The following DOCK9 variants were observed in gnomAD, a reference collection of about 807,000 sequenced individuals.
DOCK9 encodes dedicator of cytokinesis protein 9.
DOCK9 carries 89 observed loss-of-function variants against 263.3 expected under a neutral mutation model. The observed-to-expected ratio is 0.34, with a 90% CI of 0.28 to 0.40. DOCK9 has a LOEUF of 0.40. DOCK9 is among the 10% of genes least tolerant of loss of function. DOCK9 has a pLI of 1.00. For synonymous variants in DOCK9, 976 were observed against 973.1 expected, an observed-to-expected ratio of 1.00 and a Z score of -0.06; for missense variants, 2,140 against 2,603.4, an observed-to-expected ratio of 0.82 and a Z score of 3.87.
intron 1 of DOCK9, among the ~76,000 whole-genome samples, chr13:99,048,310 C>T (rs2040531482): frequency 6.6e-6 from 1 of 152,196 alleles, no homozygotes; most frequent in Non-Finnish European, 1.5e-5. Context: ...AGACAGCCTG[C>T]GTGCACCCCA....
At chr13:99,037,079 G>A (rs898329663) in intron 1 of DOCK9, among the ~76,000 whole-genome samples, 4 of 152,018 alleles carry the variant, frequency 2.6e-5, no homozygotes, top group Non-Finnish European at 5.9e-5. Context: ...CAACATGAAT[G>A]TACTTCATGC....
chr13:98,985,836 C>G (rs1164522549), intron 1 of DOCK9, among the ~76,000 whole-genome samples: 3 of 152,190 alleles, frequency 2.0e-5, no homozygotes, highest in African/African-American at 7.2e-5. Flanking sequence ...TCCCCCTACC[C>G]CACCCCACGC....
chr13:98,905,652 AC>A (rs2048974287), intron 9 of DOCK9, among the ~76,000 whole-genome samples: 2 of 152,140 alleles, frequency 1.3e-5, no homozygotes, highest in African/African-American at 4.8e-5. Flanking sequence ...GGGATTTCCC[AC>A]CCCTTGTTTA....
Position 98,831,806 on chromosome 13 carries a change from G to A in DOCK9, c.4315-20C>T, listed in dbSNP as rs376334446. ...CTGGTTCTTAAAACACACATTGACG[G>A]CTTTGTTAGACATACCAGTCACCTC... On this transcript the variant is annotated intron_variant, in intron 39 of 52. Coordinates refer to ENST00000682017, the MANE Select transcript of DOCK9 (RefSeq NM_001366683.2). The A allele has an allele frequency of 4.5e-5, 72 of 1,611,830 alleles. No individual in the cohort carries two copies. In the African/African-American group the frequency reaches 8.6e-4, roughly 19 times the overall value.
intron 1 of DOCK9, among the ~76,000 whole-genome samples, chr13:98,986,069 T>C (rs890545313): frequency 2.0e-5 from 3 of 152,260 alleles, no homozygotes; most frequent in African/African-American, 7.2e-5. Flanking sequence ...TTTTCCTTTC[T>C]AAATAAAATG....
intron 1 of DOCK9, among the ~76,000 whole-genome samples, chr13:99,047,121 A>G (rs2040471439): frequency 6.6e-6 from 1 of 152,244 alleles, no homozygotes; most frequent in African/African-American, 2.4e-5. Context: ...AAAAATGGCC[A>G]AGCCTATGAG....
intron 9 of DOCK9, among the ~76,000 whole-genome samples, chr13:98,911,271 G>T (rs1476271682): frequency 3.3e-5 from 5 of 152,044 alleles, no homozygotes; most frequent in Non-Finnish European, 7.4e-5. Context: ...CTCTAACAAG[G>T]ATTCATTTTT....
At chr13:99,022,513 A>T (rs1886237883) in intron 1 of DOCK9, among the ~76,000 whole-genome samples, 1 of 152,216 alleles carries the variant, frequency 6.6e-6, no homozygotes, top group African/African-American at 2.4e-5. Context: ...AGTGAAAGGA[A>T]GTGGAAACAA....
At chr13:98,971,671 G>A in intron 1 of DOCK9, among the ~76,000 whole-genome samples, 1 of 152,150 alleles carries the variant, frequency 6.6e-6, no homozygotes, top group East Asian at 1.9e-4. Context: ...TCGCACCACT[G>A]CACTCCAGCC....
chr13:98,962,861 G>A (rs1445443753), intron 1 of DOCK9, among the ~76,000 whole-genome samples: 2 of 152,112 alleles, frequency 1.3e-5, no homozygotes, highest in Non-Finnish European at 2.9e-5. Context: ...CAGGGAAGAC[G>A]AAGAATAACC....
chr13:98,996,891 A>C (rs1881171900), intron 1 of DOCK9, among the ~76,000 whole-genome samples: 1 of 152,228 alleles, frequency 6.6e-6, no homozygotes, highest in Middle Eastern at 3.2e-3. Context: ...CAAACAGCAT[A>C]GTTTTACCCC....
intron 1 of DOCK9, among the ~76,000 whole-genome samples, chr13:99,037,246 T>C (rs902349557): frequency 2.6e-5 from 4 of 152,306 alleles, no homozygotes; most frequent in South Asian, 2.1e-4. Context: ...GATTAAAGAT[T>C]TGTATCCAGA....
chr13:99,071,852 G>A (rs777851083), intron 1 of DOCK9, among the ~76,000 whole-genome samples: 24 of 152,256 alleles, frequency 1.6e-4, no homozygotes, highest in Admixed American at 9.2e-4. Flanking sequence ...GCATGCTTCT[G>A]CCAGACTGTC....
chr13:98,837,024 A>C (rs1212416939), intron 39 of DOCK9, among the ~76,000 whole-genome samples: 1 of 151,740 alleles, frequency 6.6e-6, no homozygotes, highest in Non-Finnish European at 1.5e-5. Context: ...CAAAAAAAAA[A>C]CCCCTTTCAT....
chr13:99,048,198 G>T (rs908143533), intron 1 of DOCK9, among the ~76,000 whole-genome samples: 1 of 152,146 alleles, frequency 6.6e-6, no homozygotes, highest in Non-Finnish European at 1.5e-5. Context: ...TATCTGTTTT[G>T]TTTTGTTTTG....
chr13:98,849,529 G>A (rs929288752), intron 36 of DOCK9, among the ~76,000 whole-genome samples: 28 of 151,650 alleles, frequency 1.8e-4, no homozygotes, highest in African/African-American at 6.5e-4. Context: ...TTCTGAATTT[G>A]GAAAATCATC....
rs1928104 is a variant in DOCK9 at position 98,888,141 on chromosome 13, A to G, written c.2043+17T>C. ...AATCAGAATTCGTAGGTGAACATAT[A>G]TTAAAAAAAAACAAACCTTAAGGGG... is the stretch of plus-strand genomic sequence containing the variant. On this transcript the variant is annotated intron_variant, in intron 18 of 52. Transcript: ENST00000682017. 0.76 allele frequency: 1,188,440 copies of G among 1,556,262 alleles called. 457,611 individuals carry two copies. Among genetic ancestry groups the G allele is most frequent in the South Asian group, 0.88 (73,133 of 82,934 alleles).
At chr13:98,927,995 T>A (rs1595394824) in intron 3 of DOCK9, among the ~76,000 whole-genome samples, 1 of 120,904 alleles carries the variant, frequency 8.3e-6, no homozygotes. Flanking sequence ...TTATAAGGAA[T>A]CGCACATACA....
At chr13:99,081,883 T>C (rs2042133541) in intron 1 of DOCK9, among the ~76,000 whole-genome samples, 1 of 152,198 alleles carries the variant, frequency 6.6e-6, no homozygotes, top group Admixed American at 6.5e-5. Flanking sequence ...TTACCAAACA[T>C]TATAAATTAC....
Sources: gnomAD v4.1 joint callset for allele counts (sites outside exome capture counted in the v4.1 genomes callset) on GRCh38, gnomAD v4.1.1 for gene constraint, MANE v1.5 for transcripts, NCBI Gene and HGNC (gene_info 2026-07-23, HGNC 2026-07-21) for gene names.